TMEM132B: variants seen among roughly 807,000 people sequenced by gnomAD.
The protein encoded by TMEM132B is transmembrane protein 132B.
In TMEM132B, 18 loss-of-function variants were observed where a neutral mutation model predicts 90.8. That is an observed-to-expected ratio of 0.20 (90% CI 0.14 to 0.29). The LOEUF is 0.29. TMEM132B is among the 10% of genes least tolerant of loss of function. The pLI is 1.00. For missense variants in TMEM132B, 1,096 were observed against 1,326.8 expected (o/e 0.83, Z 2.70); for synonymous variants, 504 against 523.3 (o/e 0.96, Z 0.50).
chr12:125,272,190 T>C (rs1029734902), intron 1 of TMEM132B, among the ~76,000 whole-genome samples: 1 of 152,262 alleles, frequency 6.6e-6, no homozygotes, highest in African/African-American at 2.4e-5. Context: ...TCCATGTTCC[T>C]GAAAACCTTT....
At chr12:125,241,053 G>A (rs1198157305) in intron 1 of TMEM132B, among the ~76,000 whole-genome samples, 2 of 152,106 alleles carry the variant, frequency 1.3e-5, no homozygotes, top group South Asian at 2.1e-4. Context: ...TTCGTGCCAC[G>A]GGTCCTTTTA....
At chr12:125,244,412 G>C (rs1217880060) in intron 1 of TMEM132B, among the ~76,000 whole-genome samples, 1 of 152,220 alleles carries the variant, frequency 6.6e-6, no homozygotes, top group Non-Finnish European at 1.5e-5. Context: ...ACAGCTCTGT[G>C]CAGTGCTGGC....
chr12:125,383,170 A>G (rs1878733584), intron 2 of TMEM132B, among the ~76,000 whole-genome samples: 1 of 152,092 alleles, frequency 6.6e-6, no homozygotes, highest in Non-Finnish European at 1.5e-5. Flanking sequence ...TTTGTTGCTC[A>G]AAGACCCCCA....
In TMEM132B at chr12:125,186,543, G is replaced by A. The variant is rs2136043096; in HGVS notation, c.-257G>A. Among the ~76,000 whole-genome samples, 1 of 146,728 alleles carries A rather than the reference G, an allele frequency of 6.8e-6. No homozygotes were observed. Among genetic ancestry groups the A allele is most frequent in the African/African-American group, 2.4e-5 (1 of 40,996 alleles). On this transcript the variant is annotated 5_prime_UTR_variant, in exon 1 of 9. Transcript: ENST00000682704. This position sits in a 1 kb window ranked among gnomAD's most constrained non-coding sequence, Gnocchi z 6.3. ...AACTCGGGCCAACTGCGGGGCAGCC[G>A]GCCAGGGCGCGGGGCGCTGAGCCTC...
rs1414891202 is a variant in TMEM132B, at chr12:125,277,484, A to G, written c.68-71968A>G. ...CAAGAGCAAGACTCTGTCTCAAAAA[A>G]AAAAGATGAAGAGGGAGAACACACA... On this transcript the variant is annotated intron_variant, in intron 1 of 8. Coordinates refer to ENST00000682704, the MANE Select transcript of TMEM132B (RefSeq NM_001366854.1). The surrounding 1 kb of genome is among the most constrained non-coding windows in gnomAD (Gnocchi z 4.3). Among the ~76,000 whole-genome samples, 2 of 141,790 alleles carry G rather than the reference A, an allele frequency of 1.4e-5. No homozygotes were observed. The highest frequency in any genetic ancestry group is 1.4e-4 in the Admixed American group (2 of 14,240). The allele number at this position is 141,790 out of a possible 152,430, so 93.0% of individuals were successfully genotyped here.
chr12:125,562,905 C>G (rs1297850487), intron 4 of TMEM132B, among the ~76,000 whole-genome samples: 4 of 152,004 alleles, frequency 2.6e-5, no homozygotes, highest in Non-Finnish European at 5.9e-5. Context: ...TCTTTATCAG[C>G]AGCGTGATAC....
intron 4 of TMEM132B, among the ~76,000 whole-genome samples, chr12:125,530,308 CTCTCTCTTTCTCTCTG>C (rs1186053832): frequency 6.6e-6 from 1 of 151,288 alleles, no homozygotes; most frequent in African/African-American, 2.4e-5. Flanking sequence ...TCTCCTCTCT[CTCTCTCTTTCTCTCTG>C]TCTCTCCTCC....
intron 1 of TMEM132B, among the ~76,000 whole-genome samples, chr12:125,254,616 C>T (rs774036931): frequency 1.1e-4 from 17 of 151,584 alleles, no homozygotes; most frequent in African/African-American, 3.4e-4. Context: ...GATGGAATTG[C>T]GTATTTGTTT....
intron 4 of TMEM132B, among the ~76,000 whole-genome samples, chr12:125,557,610 C>T (rs1314861040): frequency 6.6e-6 from 1 of 152,178 alleles, no homozygotes; most frequent in African/African-American, 2.4e-5. Context: ...AAGGACTGGA[C>T]ACCTTGCTTC....
At chr12:125,412,952 A>C (rs1326832229) in intron 2 of TMEM132B, among the ~76,000 whole-genome samples, 1 of 152,160 alleles carries the variant, frequency 6.6e-6, no homozygotes, top group Non-Finnish European at 1.5e-5. Context: ...AAGGCATGGC[A>C]TCTGAGTCTC....
chr12:125,195,961 C>T (rs976392403), intron 1 of TMEM132B, among the ~76,000 whole-genome samples: 1 of 152,146 alleles, frequency 6.6e-6, no homozygotes, highest in Non-Finnish European at 1.5e-5. Context: ...AAAGTTCTAA[C>T]CAAACTAGTC....
Position 125,653,902 on chromosome 12 carries a change from A to G in TMEM132B, c.2444A>G (p.Tyr815Cys), listed in dbSNP as rs1389595748. The change falls in exon 9 of 9, where the codon TAT becomes TGT. Residue 815 changes from tyrosine to cysteine, a missense_variant. By Grantham distance (194) the Tyr-to-Cys change is radical. Transcript: ENST00000682704. ...SNDIEGINRE[Y>C]KDHLSNSIER... ...GATATTGAGGGCATAAATCGGGAAT[A>G]TAAAGACCACCTCAGTAATTCCATA... The G allele has an allele frequency of 6.8e-6, 11 of 1,614,220 alleles. No individual in the cohort carries two copies. The highest frequency in any genetic ancestry group is 8.5e-7 in the Non-Finnish European group (1 of 1,180,048).
intron 3 of TMEM132B, among the ~76,000 whole-genome samples, chr12:125,452,424 T>C: frequency 6.6e-6 from 1 of 152,246 alleles, no homozygotes; most frequent in Non-Finnish European, 1.5e-5. Flanking sequence ...TTGTACTGTT[T>C]CTAATAATGA....
At chr12:125,394,889 T>G (rs765779219) in intron 2 of TMEM132B, among the ~76,000 whole-genome samples, 1 of 151,146 alleles carries the variant, frequency 6.6e-6, no homozygotes, top group Non-Finnish European at 1.5e-5. Flanking sequence ...ACTCCAGGAG[T>G]GGGGAGGTTG....
chr12:125,416,835 A>G (rs1306789408), intron 3 of TMEM132B, among the ~76,000 whole-genome samples: 2 of 151,814 alleles, frequency 1.3e-5, no homozygotes, highest in Admixed American at 1.3e-4. Context: ...TCAGCCCACA[A>G]CCCTGCTTGA....
At chr12:125,391,632 T>C (rs1461174131) in intron 2 of TMEM132B, among the ~76,000 whole-genome samples, 1 of 152,124 alleles carries the variant, frequency 6.6e-6, no homozygotes, top group East Asian at 1.9e-4. Flanking sequence ...GCGTGGACAG[T>C]GGAAGTTCTG....
intron 4 of TMEM132B, among the ~76,000 whole-genome samples, chr12:125,528,111 A>G (rs1288582499): frequency 3.3e-5 from 5 of 152,008 alleles, no homozygotes; most frequent in Admixed American, 3.3e-4. Flanking sequence ...CTCCGTGGCT[A>G]AGAAATGCTA....
chr12:125,362,972 T>A (rs1318883426), intron 2 of TMEM132B, among the ~76,000 whole-genome samples: 1 of 152,124 alleles, frequency 6.6e-6, no homozygotes, highest in African/African-American at 2.4e-5. Flanking sequence ...AGTTAACTAG[T>A]CATTCTCCCA....
chr12:125,539,325 C>G (rs970530553), intron 4 of TMEM132B, among the ~76,000 whole-genome samples: 1 of 152,214 alleles, frequency 6.6e-6, no homozygotes, highest in Admixed American at 6.5e-5. Flanking sequence ...ACTGCAAGGC[C>G]TTGGAACACG....
Sources: gnomAD v4.1 joint callset for allele counts (sites outside exome capture counted in the v4.1 genomes callset) on GRCh38, gnomAD v4.1.1 for gene constraint, Gnocchi (gnomAD v3.1) non-coding constraint, MANE v1.5 for transcripts, NCBI Gene and HGNC (gene_info 2026-07-23, HGNC 2026-07-21) for gene names.